Variants in DACH2 observed in about 807,000 individuals in gnomAD.
DACH2 encodes dachshund homolog 2.
DACH2 carries 17 observed loss-of-function variants against 35.8 expected under a neutral mutation model. The observed-to-expected ratio is 0.48, with a 90% CI of 0.33 to 0.71. DACH2 has a LOEUF of 0.71. DACH2 is among the 30% of genes least tolerant of loss of function. DACH2 has a pLI of 0.02. For missense variants in DACH2, 469 were observed against 472.7 expected, an observed-to-expected ratio of 0.99 and a Z score of 0.07; for synonymous variants, 195 against 177.3, an observed-to-expected ratio of 1.10 and a Z score of -0.79.
chrX:86,172,007 G>C (rs1299876198), intron 1 of DACH2, among the ~76,000 whole-genome samples: 1 of 111,830 alleles, frequency 8.9e-6, no homozygotes, highest in African/African-American at 3.3e-5. Context: ...GCATTTCAGG[G>C]AGTAATTTGA....
chrX:86,726,864 C>T (rs889863870), intron 6 of DACH2, among the ~76,000 whole-genome samples: 20 of 111,943 alleles, frequency 1.8e-4, no homozygotes, highest in African/African-American at 6.5e-4. Context: ...AGCCCCCATC[C>T]TGGTAAGCTG....
chrX:86,219,379 G>T (rs151072965), intron 1 of DACH2, among the ~76,000 whole-genome samples: 258 of 111,047 alleles, frequency 2.3e-3, no homozygotes, highest in African/African-American at 8.2e-3. Flanking sequence ...GTGTCATGGG[G>T]GTTTATCGTA....
At chrX:86,246,074 C>A (rs1265963131) in intron 1 of DACH2, among the ~76,000 whole-genome samples, 1 of 110,936 alleles carries the variant, frequency 9.0e-6, no homozygotes. Flanking sequence ...GATCTCAGGG[C>A]TTGAAGACTG....
At chrX:86,680,945 G>A (rs2040874520) in intron 4 of DACH2, among the ~76,000 whole-genome samples, 1 of 110,788 alleles carries the variant, frequency 9.0e-6, no homozygotes, top group African/African-American at 3.3e-5. Context: ...CTTGCATCCA[G>A]CTGCCCTCGA....
chrX:86,731,941 C>T lies in DACH2; in HGVS notation c.1105-7806C>T, dbSNP rs186590825. 5.4e-5 allele frequency among the ~76,000 whole-genome samples: 6 copies of T among 111,983 alleles called. No individual in the cohort carries two copies. The East Asian group carries it at 1.1e-3, about 21-fold the overall frequency. On this transcript the variant is annotated intron_variant, in intron 6 of 11. Transcript: ENST00000373125. ...ATATATCTACTATAGCAACACTGCC[C>T]GTAATGGTAGCCACTAGGCATGTGT... is the stretch of plus-strand genomic sequence containing the variant.
chrX:86,815,773 C>A (rs1266731982), intron 10 of DACH2, among the ~76,000 whole-genome samples: 12 of 107,866 alleles, frequency 1.1e-4, no homozygotes, highest in Non-Finnish European at 9.6e-5. Context: ...AGACTATTTT[C>A]CTAAGATTTA....
At chrX:86,571,400 A>T (rs1219497381) in intron 3 of DACH2, among the ~76,000 whole-genome samples, 1 of 110,179 alleles carries the variant, frequency 9.1e-6, no homozygotes, top group East Asian at 2.9e-4. Flanking sequence ...GCACCCATTA[A>T]CTTGTCATTT....
intron 4 of DACH2, among the ~76,000 whole-genome samples, chrX:86,674,516 C>T: frequency 8.9e-6 from 1 of 111,848 alleles, no homozygotes; most frequent in South Asian, 3.7e-4. Flanking sequence ...AGCTGAATGG[C>T]CAAAAGAGCA....
At position 86,647,542 on chromosome X, in the gene DACH2, AT is replaced by A. The variant is rs778246331; in HGVS notation, c.641-3492del. ...TGAGGAGAAGAGGAAACAGGGTGCT[AT>A]TAGTTGAGATGAGCAAAGTTTCAGA... On this transcript the variant is annotated intron_variant, in intron 3 of 11. Coordinates refer to ENST00000373125, the MANE Select transcript of DACH2 (RefSeq NM_053281.3). 1.1e-4 allele frequency among the ~76,000 whole-genome samples: 12 copies of A among 110,938 alleles called. No individual in the cohort carries two copies. The South Asian group carries it at 4.5e-3, about 41-fold the overall frequency.
chrX:86,817,610 C>A (rs1192389918), intron 11 of DACH2, among the ~76,000 whole-genome samples: 13 of 111,681 alleles, frequency 1.2e-4, no homozygotes, highest in Admixed American at 1.1e-3. Flanking sequence ...TTTTAACCTG[C>A]ACCTCTGATT....
At position 86,651,018 on chromosome X, in the gene DACH2, G is replaced by A. The variant is rs566216165; in HGVS notation, c.641-18G>A. The A allele has an allele frequency of 8.5e-7, 1 of 1,174,462 alleles. No individual in the cohort carries two copies. ...TTAATATAAATAAATAAATGGAATG[G>A]AATAATTCTGCTTTTAGGTATAACA... On this transcript the variant is annotated intron_variant, in intron 3 of 11. Transcript: ENST00000373125.
chrX:86,736,178 A>G (rs1214212507), intron 6 of DACH2, among the ~76,000 whole-genome samples: 1 of 111,425 alleles, frequency 9.0e-6, no homozygotes, highest in Non-Finnish European at 1.9e-5. Flanking sequence ...CACAACACCT[A>G]ATTCTTAATC....
At position 86,330,401 on chromosome X, in the gene DACH2, C is replaced by T. The variant is rs761232147; in HGVS notation, c.489-46423C>T. Among the ~76,000 whole-genome samples, 3 of 111,155 alleles carry T rather than the reference C, an allele frequency of 2.7e-5. No homozygotes were observed. In the East Asian group the frequency reaches 8.5e-4, roughly 31 times the overall value. ...AAATATTATCCCATTTTATTGCCTG[C>T]CTTAGCATTGTACAGTAAATATGAA... On this transcript the variant is annotated intron_variant, in intron 1 of 11. Transcript: ENST00000373125.
intron 2 of DACH2, among the ~76,000 whole-genome samples, chrX:86,419,951 T>A (rs1275253954): frequency 1.8e-5 from 2 of 111,810 alleles, no homozygotes; most frequent in Non-Finnish European, 3.8e-5. Flanking sequence ...GGAAAGTTTC[T>A]CAAACTCTGT....
At chrX:86,728,128 G>A (rs1001192070) in intron 6 of DACH2, among the ~76,000 whole-genome samples, 4 of 112,005 alleles carry the variant, frequency 3.6e-5, no homozygotes, top group Non-Finnish European at 7.5e-5. Flanking sequence ...ATAGCAGTGA[G>A]GAATTTATTT....
At chrX:86,647,705 TA>T (rs2040431879) in intron 3 of DACH2, among the ~76,000 whole-genome samples, 1 of 110,613 alleles carries the variant, frequency 9.0e-6, no homozygotes, top group Non-Finnish European at 1.9e-5. Flanking sequence ...ACAACAACAA[TA>T]ATATATAAAG....
intron 1 of DACH2, among the ~76,000 whole-genome samples, chrX:86,166,086 G>A (rs960606648): frequency 1.1e-4 from 12 of 111,282 alleles, no homozygotes; most frequent in African/African-American, 2.9e-4. Context: ...TTATTGAAGA[G>A]ATCGTCTTTT....
At chrX:86,733,350 T>C (rs1602868108) in intron 6 of DACH2, among the ~76,000 whole-genome samples, 1 of 111,870 alleles carries the variant, frequency 8.9e-6, no homozygotes, top group African/African-American at 3.2e-5. Context: ...TGTCAGTAGA[T>C]AGTTTGGGAA....
intron 2 of DACH2, among the ~76,000 whole-genome samples, chrX:86,478,213 G>A (rs2037878069): frequency 9.0e-6 from 1 of 111,701 alleles, no homozygotes; most frequent in Non-Finnish European, 1.9e-5. Flanking sequence ...TGTACCTTCA[G>A]ATGGTTTCTT....
Sources: allele counts gnomAD v4.1 joint callset (sites outside exome capture counted in the v4.1 genomes callset), GRCh38; gene constraint gnomAD v4.1.1; transcripts MANE v1.5; gene names NCBI Gene and HGNC (gene_info 2026-07-23, HGNC 2026-07-21).